GABRB1: variants seen among roughly 807,000 people sequenced by gnomAD.
GABRB1 encodes gamma-aminobutyric acid type A receptor subunit beta1.
Under a neutral mutation model 51.6 loss-of-function variants are expected in GABRB1, and 17 were observed. That is an observed-to-expected ratio of 0.33 (90% CI 0.23 to 0.49). The LOEUF (loss-of-function observed/expected upper bound fraction) is 0.49. Ranked by LOEUF, GABRB1 falls within the 20% of genes least tolerant of loss-of-function variation. GABRB1 has a pLI of 0.99. For missense variants in GABRB1, 410 were observed against 600.6 expected (o/e 0.68, Z 3.32); for synonymous variants, 247 against 218.9 (o/e 1.13, Z -1.14).
intron 4 of GABRB1, among the ~76,000 whole-genome samples, chr4:47,261,994 A>G (rs1722458923): frequency 2.0e-5 from 3 of 151,860 alleles, no homozygotes; most frequent in African/African-American, 4.8e-5. Flanking sequence ...AGCCATATGT[A>G]GAAAGCTGAA....
At chr4:47,101,313 G>A (rs186330531) in intron 3 of GABRB1, among the ~76,000 whole-genome samples, 4 of 152,086 alleles carry the variant, frequency 2.6e-5, no homozygotes, top group African/African-American at 7.2e-5. Context: ...AATTGAATGT[G>A]TCAGACATTA....
upstream of GABRB1, among the ~76,000 whole-genome samples, chr4:47,030,540 T>C (rs1314067303): frequency 6.6e-6 from 1 of 152,198 alleles, no homozygotes; most frequent in Non-Finnish European, 1.5e-5. Context: ...AGAACCCTTT[T>C]TGAATCAGTT....
intron 4 of GABRB1, among the ~76,000 whole-genome samples, chr4:47,187,796 A>T (rs796305346): frequency 3.9e-5 from 6 of 151,972 alleles, no homozygotes; most frequent in African/African-American, 1.4e-4. Context: ...CCCTTTTATC[A>T]CTTCAATCCA....
intron 1 of GABRB1, among the ~76,000 whole-genome samples, chr4:47,001,542 C>T (rs553773682): frequency 5.5e-4 from 84 of 152,288 alleles, no homozygotes; most frequent in South Asian, 1.4e-3. Context: ...ATAATTTGGG[C>T]GAGCCTCATC....
chr4:47,415,644 A>G (rs969224274), intron 8 of GABRB1, among the ~76,000 whole-genome samples: 1 of 152,194 alleles, frequency 6.6e-6, no homozygotes, highest in East Asian at 1.9e-4. Flanking sequence ...CACCAAAAGA[A>G]TATCAGGGCA....
At chr4:47,315,214 A>T (rs1724840710) in intron 4 of GABRB1, among the ~76,000 whole-genome samples, 1 of 152,078 alleles carries the variant, frequency 6.6e-6, no homozygotes, top group Admixed American at 6.6e-5. Context: ...CAAACCCATT[A>T]AAAGTAGGCA....
At chr4:47,391,932 T>A (rs1042814180) in intron 5 of GABRB1, among the ~76,000 whole-genome samples, 1 of 152,226 alleles carries the variant, frequency 6.6e-6, no homozygotes, top group South Asian at 2.1e-4. Context: ...AGGGTAGAGA[T>A]AAACACAAAG....
chr4:47,396,986 TTAAGG>T (rs1378098758), intron 5 of GABRB1, among the ~76,000 whole-genome samples: 1 of 152,198 alleles, frequency 6.6e-6, no homozygotes, highest in Admixed American at 6.5e-5. Flanking sequence ...TATATTCTCA[TTAAGG>T]TTTTTGTCTT....
chr4:47,175,162 T>C (rs947669623), intron 4 of GABRB1, among the ~76,000 whole-genome samples: 1 of 151,430 alleles, frequency 6.6e-6, no homozygotes, highest in African/African-American at 2.4e-5. Flanking sequence ...TTTTCTTCTT[T>C]CTTTATCTTT....
At chr4:47,093,125 A>G (rs1714191320) in intron 3 of GABRB1, among the ~76,000 whole-genome samples, 1 of 152,202 alleles carries the variant, frequency 6.6e-6, no homozygotes. Context: ...TTTCCCTAAA[A>G]GATTCATGTT....
At chr4:47,169,978 G>T (rs1243220770) in intron 4 of GABRB1, among the ~76,000 whole-genome samples, 1 of 152,148 alleles carries the variant, frequency 6.6e-6, no homozygotes, top group Non-Finnish European at 1.5e-5. Context: ...CAGCCTAAAT[G>T]GGAGTAGCTC....
chr4:47,060,788 A>C (rs1726817294), intron 3 of GABRB1, among the ~76,000 whole-genome samples: 1 of 152,196 alleles, frequency 6.6e-6, no homozygotes, highest in African/African-American at 2.4e-5. Flanking sequence ...TGAAAGCCAC[A>C]CAAGAAAGAT....
chr4:47,343,002 G>A (rs1725959505), intron 5 of GABRB1, among the ~76,000 whole-genome samples: 1 of 152,098 alleles, frequency 6.6e-6, no homozygotes. Context: ...CTGGCTGATG[G>A]ATGCTCCACA....
At chr4:47,042,295 C>A (rs1041475803) in intron 3 of GABRB1, among the ~76,000 whole-genome samples, 12 of 149,992 alleles carry the variant, frequency 8.0e-5, no homozygotes, top group African/African-American at 2.9e-4. Context: ...GAATCATGAG[C>A]TGTTTCCATA....
At chr4:47,403,014 T>TC (rs1284306650) in intron 5 of GABRB1, among the ~76,000 whole-genome samples, 1 of 152,068 alleles carries the variant, frequency 6.6e-6, no homozygotes, top group Non-Finnish European at 1.5e-5. Context: ...AATTCAGCCA[T>TC]CCCCCAATTT....
chr4:47,272,182 C>T (rs1722898001), intron 4 of GABRB1, among the ~76,000 whole-genome samples: 1 of 152,054 alleles, frequency 6.6e-6, no homozygotes, highest in Non-Finnish European at 1.5e-5. Flanking sequence ...CTGCACTTAA[C>T]TAGTAGATTT....
chr4:47,352,918 G>A lies in GABRB1; in HGVS notation c.544+32709G>A, dbSNP rs867284850. On this transcript the variant is annotated intron_variant, in intron 5 of 8. Coordinates refer to ENST00000295454, the MANE Select transcript of GABRB1 (RefSeq NM_000812.4). ...TTAGTTAAGCAAAAACTATGTATTA[G>A]TCTGTTTTCATGCTGCTGATAAAGA... Among the ~76,000 whole-genome samples the A allele has an allele frequency of 4.6e-5, 7 of 152,274 alleles. No homozygotes were observed. In the Middle Eastern group the frequency reaches 0.014, roughly 296 times the overall value.
chr4:47,359,006 C>A (rs1348080012), intron 5 of GABRB1, among the ~76,000 whole-genome samples: 2 of 151,956 alleles, frequency 1.3e-5, no homozygotes, highest in Admixed American at 6.6e-5. Flanking sequence ...GATGATGATG[C>A]CCAACTACAT....
rs34532575 is a variant in GABRB1 at position 47,024,933 on chromosome 4, C to CATAT, written c.-19-6966_-19-6963dup. On this transcript the variant is annotated intron_variant, in intron 1 of 3. Transcript: ENST00000513567. ...TTTTTATGGCTGGGTAGTATTCCAT[C>CATAT]ATATATATATATATATATGTTATTT... 1.1e-3 allele frequency among the ~76,000 whole-genome samples: 96 copies of CATAT among 86,206 alleles called. 11 individuals are homozygous for CATAT. Among genetic ancestry groups the CATAT allele is most frequent in the African/African-American group, 4.1e-3 (83 of 20,116 alleles). The allele number at this position is 86,206 out of a possible 152,430, so 56.6% of individuals were successfully genotyped here. A position where few individuals can be genotyped will look rare whatever the true frequency, so the allele number is the denominator to read the frequency against.
Sources: gnomAD v4.1 joint callset for allele counts (sites outside exome capture counted in the v4.1 genomes callset) on GRCh38, gnomAD v4.1.1 for gene constraint, MANE v1.5 for transcripts, NCBI Gene and HGNC (gene_info 2026-07-23, HGNC 2026-07-21) for gene names.